The following ABHD3 variants were observed in gnomAD, a reference collection of about 807,000 sequenced individuals.
ABHD3 encodes abhydrolase domain containing 3, phospholipase, also known as phospholipase ABHD3.
Under a neutral mutation model 48.8 loss-of-function variants are expected in ABHD3, and 46 were observed. The ratio of observed to expected loss-of-function variants is 0.94; its 90% CI spans 0.74 to 1.20. The LOEUF (loss-of-function observed/expected upper bound fraction) is 1.20, where lower values mean the gene tolerates loss of function less well. Ranked by LOEUF, ABHD3 falls within the 50% of genes most tolerant of loss-of-function variation. The pLI, the probability that ABHD3 is intolerant of heterozygous loss-of-function variation, is 0.00. For synonymous variants in ABHD3, 192 were observed against 183.7 expected, an observed-to-expected ratio of 1.04 and a Z score of -0.36; for missense variants, 490 against 497.8, an observed-to-expected ratio of 0.98 and a Z score of 0.15.
At chr18:21,678,989 T>C (rs2039949494) in intron 4 of ABHD3, among the ~76,000 whole-genome samples, 1 of 152,202 alleles carries the variant, frequency 6.6e-6, no homozygotes, top group African/African-American at 2.4e-5. Flanking sequence ...AAATTCTAAG[T>C]ATATCTCTAA....
chr18:21,699,667 T>C (rs112521387), intron 3 of ABHD3, among the ~76,000 whole-genome samples: 2,881 of 152,208 alleles, frequency 0.019, 95 homozygotes, highest in African/African-American at 0.065. Flanking sequence ...CCCTGCAGCT[T>C]CTGCTTTTGT....
chr18:21,688,343 G>C (rs185315526), intron 3 of ABHD3, among the ~76,000 whole-genome samples: 1 of 151,872 alleles, frequency 6.6e-6, no homozygotes. Context: ...TAGAATGAGA[G>C]GAACATTCAG....
chr18:21,664,269 T>C (rs1351111808), intron 4 of ABHD3, 39 bp from the exon 5 acceptor site: 1 of 1,577,140 alleles, frequency 6.3e-7, no homozygotes, highest in Non-Finnish European at 8.6e-7. Flanking sequence ...AATTACAATG[T>C]GAGGTTAATG....
intron 3 of ABHD3, among the ~76,000 whole-genome samples, chr18:21,690,634 T>G (rs1283797598): frequency 6.6e-6 from 1 of 151,818 alleles, no homozygotes; most frequent in Non-Finnish European, 1.5e-5. Context: ...ACATTAACAA[T>G]TACATTAAAT....
At chr18:21,670,174 G>A (rs1354228148) in intron 4 of ABHD3, among the ~76,000 whole-genome samples, 1 of 152,028 alleles carries the variant, frequency 6.6e-6, no homozygotes, top group Admixed American at 6.6e-5. Context: ...GGTACTTCTG[G>A]TCTGCCCTAA....
intron 3 of ABHD3, among the ~76,000 whole-genome samples, chr18:21,695,675 A>G (rs147236994): frequency 6.6e-6 from 1 of 152,306 alleles, no homozygotes; most frequent in East Asian, 1.9e-4. Flanking sequence ...CTAAGAATAA[A>G]AGCAGCTTAG....
chr18:21,703,312 C>T (rs181863326), intron 2 of ABHD3, among the ~76,000 whole-genome samples: 112 of 143,688 alleles, frequency 7.8e-4, no homozygotes, highest in Admixed American at 3.1e-3. Context: ...AACTGCGAGA[C>T]AGTAATCCCC....
At chr18:21,680,732 AC>A (rs941436679) in intron 4 of ABHD3, among the ~76,000 whole-genome samples, 1 of 152,216 alleles carries the variant, frequency 6.6e-6, no homozygotes, top group Non-Finnish European at 1.5e-5. Context: ...GGGTTGCTGT[AC>A]TATTTCAAAG....
chr18:21,699,715 T>A (rs1344938142), intron 3 of ABHD3, among the ~76,000 whole-genome samples: 1 of 152,138 alleles, frequency 6.6e-6, no homozygotes, highest in Non-Finnish European at 1.5e-5. Flanking sequence ...AGTTTCGCTC[T>A]TGTTGCCCAG....
chr18:21,661,185 T>G (rs2146286709), intron 5 of ABHD3, among the ~76,000 whole-genome samples: 1 of 150,986 alleles, frequency 6.6e-6, no homozygotes, highest in African/African-American at 2.4e-5. Context: ...TGTATAGACT[T>G]TTCCTGGCTT....
chr18:21,656,957 A>C lies in ABHD3; in HGVS notation c.961T>G (p.Tyr321Asp), dbSNP rs764576277. The change falls in exon 8 of 9, where the codon TAT becomes GAT. Residue 321 changes from tyrosine to aspartate, a missense_variant. Physicochemically the swap from Tyr to Asp is radical, Grantham distance 160 (BLOSUM62 -3). Coordinates refer to ENST00000289119, the MANE Select transcript of ABHD3 (RefSeq NM_138340.5). Reference protein sequence around the residue: ...VMFGYQTIDDYYTDASPSPRL... With the variant: ...VMFGYQTIDDDYTDASPSPRL... ...GGACTCGGACTGGCATCAGTATAAT[A>C]ATCATCAATTGTTTGGTATCCAAAC... is the stretch of plus-strand genomic sequence containing the variant. The C allele has an allele frequency of 4.3e-6, 7 of 1,613,970 alleles. No homozygotes were observed. The highest frequency in any genetic ancestry group is 2.2e-5 in the East Asian group (1 of 44,868).
intron 4 of ABHD3, among the ~76,000 whole-genome samples, chr18:21,674,961 C>G (rs1277277489): frequency 6.6e-6 from 1 of 152,030 alleles, no homozygotes; most frequent in Non-Finnish European, 1.5e-5. Flanking sequence ...GGGAAGAACT[C>G]TAAGTCCCTC....
intron 3 of ABHD3, 37 bp from the exon 4 acceptor site, chr18:21,684,002 C>T (rs1555681421): frequency 1.3e-6 from 2 of 1,559,558 alleles, no homozygotes; most frequent in East Asian, 2.3e-5. Flanking sequence ...TATTTTTACA[C>T]ATGATTCTTG....
At chr18:21,683,868 C>T (rs930764365) in intron 4 of ABHD3, 52 bp downstream of exon 4, 8 of 1,479,802 alleles carry the variant, frequency 5.4e-6, no homozygotes, top group African/African-American at 1.4e-5. Flanking sequence ...TGTTATAAAA[C>T]TAGAAATGAT....
At chr18:21,677,674 GTTATTTATTTAT>G (rs139403965) in intron 4 of ABHD3, among the ~76,000 whole-genome samples, 23,659 of 151,284 alleles carry the variant, frequency 0.16, 2,061 homozygotes, top group Middle Eastern at 0.27. Flanking sequence ...TTTGTTTTTG[GTTATTTATTTAT>G]TTATTTATTT....
At chr18:21,685,402 T>C (rs1332335930) in intron 3 of ABHD3, among the ~76,000 whole-genome samples, 1 of 152,232 alleles carries the variant, frequency 6.6e-6, no homozygotes, top group African/African-American at 2.4e-5. Flanking sequence ...AGGAATTTTC[T>C]TGCAACTGAA....
Position 21,671,514 on chromosome 18 carries a change from C to T in ABHD3, c.556-7284G>A, listed in dbSNP as rs369396592. On this transcript the variant is annotated intron_variant, in intron 4 of 8. Coordinates refer to ENST00000289119, the MANE Select transcript of ABHD3 (RefSeq NM_138340.5). Reference sequence around the variant, plus strand: ...AAAACTCTGGTTAAATTCTGTTACTCGGGCTAGTAATGCAACTGGCAGCTA... The same window carrying T: ...AAAACTCTGGTTAAATTCTGTTACTTGGGCTAGTAATGCAACTGGCAGCTA... Among the ~76,000 whole-genome samples, 8 of 152,148 alleles carry T rather than the reference C, an allele frequency of 5.3e-5. No homozygotes were observed. In the East Asian group the frequency reaches 5.8e-4, roughly 11 times the overall value.
intron 3 of ABHD3, among the ~76,000 whole-genome samples, chr18:21,694,728 TCTGTCTA>T (rs1408588375): frequency 6.6e-6 from 1 of 152,198 alleles, no homozygotes; most frequent in Non-Finnish European, 1.5e-5. Context: ...CCATTCCTGC[TCTGTCTA>T]CTGAGGTCAT....
Position 21,666,239 on chromosome 18 carries a change from G to T in ABHD3, c.556-2009C>A, listed in dbSNP as rs142514603. ...AGACACAGTCTCGCTCTGTTGCCAG[G>T]ATGGAGTGCTGTGGCGCGATCTTGG... On this transcript the variant is annotated intron_variant, in intron 4 of 8. Coordinates refer to ENST00000289119, the MANE Select transcript of ABHD3 (RefSeq NM_138340.5). Among the ~76,000 whole-genome samples the T allele has an allele frequency of 3.6e-4, 55 of 152,138 alleles. No homozygotes were observed. In the East Asian group the frequency reaches 9.1e-3, roughly 25 times the overall value.
Sources: allele counts gnomAD v4.1 joint callset (sites outside exome capture counted in the v4.1 genomes callset), GRCh38; gene constraint gnomAD v4.1.1; transcripts MANE v1.5; gene names NCBI Gene and HGNC (gene_info 2026-07-23, HGNC 2026-07-21).